Variants in SORBS2 observed in about 807,000 individuals in gnomAD.
SORBS2 encodes sorbin and SH3 domain containing 2, also known as sorbin and SH3 domain-containing protein 2.
In SORBS2, 46 loss-of-function variants were observed where a neutral mutation model predicts 97.7. That is an observed-to-expected ratio of 0.47 (90% CI 0.37 to 0.60). SORBS2 has a LOEUF of 0.60. Among genes scored for constraint, SORBS2 ranks in the 20% least tolerant of loss-of-function variants. SORBS2 has a pLI of 0.00. For synonymous variants in SORBS2, 476 were observed against 473.4 expected (o/e 1.01, Z -0.07); for missense variants, 1,316 against 1,282.3 (o/e 1.03, Z -0.40).
At chr4:185,591,167 G>C (rs180794844) in intron 13 of SORBS2, among the ~76,000 whole-genome samples, 4 of 152,150 alleles carry the variant, frequency 2.6e-5, no homozygotes, top group African/African-American at 9.7e-5. Flanking sequence ...CATTTGGACT[G>C]GGGGAGCTGG....
At chr4:185,608,473 A>G (rs1050071640) in intron 12 of SORBS2, among the ~76,000 whole-genome samples, 1 of 151,142 alleles carries the variant, frequency 6.6e-6, no homozygotes, top group African/African-American at 2.4e-5. Context: ...AAATCAGAGG[A>G]GGTATGAGTT....
intron 2 of SORBS2, among the ~76,000 whole-genome samples, chr4:185,738,087 A>T (rs1037766435): frequency 9.2e-5 from 14 of 152,188 alleles, no homozygotes; most frequent in African/African-American, 3.1e-4. Context: ...CTTCCTCAAC[A>T]TCTGCCTCCA....
chr4:185,797,389 A>G (rs1304559434), intron 1 of SORBS2, among the ~76,000 whole-genome samples: 3 of 152,316 alleles, frequency 2.0e-5, no homozygotes, highest in Middle Eastern at 3.4e-3. Context: ...TACCAGTTAT[A>G]TATTTTTCAC....
intron 4 of SORBS2, among the ~76,000 whole-genome samples, chr4:185,671,321 G>A (rs993526395): frequency 1.3e-5 from 2 of 152,128 alleles, no homozygotes; most frequent in Admixed American, 6.5e-5. Flanking sequence ...TTTGCATCTG[G>A]GAAAGTGTCA....
chr4:185,920,276 C>T (rs1016964621), intron 1 of SORBS2, among the ~76,000 whole-genome samples: 2 of 152,062 alleles, frequency 1.3e-5, no homozygotes, highest in Non-Finnish European at 2.9e-5. Flanking sequence ...TTTTGTGTGC[C>T]GGATGACTCA....
intron 2 of SORBS2, among the ~76,000 whole-genome samples, chr4:185,709,304 CTTTTT>C (rs70962587): frequency 2.1e-5 from 2 of 96,802 alleles, no homozygotes; most frequent in African/African-American, 4.1e-5. Context: ...CTGGCCAAAT[CTTTTT>C]TTTTTTTTTT....
chr4:185,591,892 C>G (rs1191168076), intron 13 of SORBS2: 1 of 152,194 alleles, frequency 6.6e-6, no homozygotes, highest in Non-Finnish European at 1.5e-5. Flanking sequence ...ATTTACCATT[C>G]TGGTTTAATT....
chr4:185,850,452 G>A (rs942159079), intron 1 of SORBS2, among the ~76,000 whole-genome samples: 1 of 152,182 alleles, frequency 6.6e-6, no homozygotes, highest in Non-Finnish European at 1.5e-5. Context: ...GCAAATGACA[G>A]CATGTAGCTC....
chr4:185,646,834 A>G, intron 3 of SORBS2, 52 bp from the exon 13 acceptor site: 3 of 1,037,208 alleles, frequency 2.9e-6, no homozygotes, highest in African/African-American at 1.6e-5. Context: ...TGCTTAAAGC[A>G]ATTGTGTAAA....
intron 2 of SORBS2, among the ~76,000 whole-genome samples, chr4:185,762,452 C>T (rs993568063): frequency 6.7e-6 from 1 of 150,342 alleles, no homozygotes; most frequent in Admixed American, 6.6e-5. Context: ...GAGATTTAGA[C>T]GAGAGGGACA....
intron 1 of SORBS2, among the ~76,000 whole-genome samples, chr4:185,877,447 G>A (rs992317568): frequency 3.3e-5 from 5 of 152,092 alleles, no homozygotes; most frequent in Non-Finnish European, 5.9e-5. Flanking sequence ...GAGTACACAA[G>A]CAATCAGCAT....
intron 4 of SORBS2, among the ~76,000 whole-genome samples, chr4:185,663,141 G>A (rs186403394): frequency 2.6e-5 from 4 of 152,230 alleles, no homozygotes; most frequent in East Asian, 1.9e-4. Flanking sequence ...ATTACAGGGC[G>A]CACACAATGC....
intron 1 of SORBS2, among the ~76,000 whole-genome samples, chr4:185,807,257 TG>T (rs2099160850): frequency 6.6e-6 from 1 of 152,216 alleles, no homozygotes; most frequent in Non-Finnish European, 1.5e-5. Context: ...CAGGCCTTTT[TG>T]TTTTCTTTCT....
chr4:185,657,659 T>A, upstream of SORBS2: 2 of 1,449,610 alleles, frequency 1.4e-6, no homozygotes, highest in South Asian at 2.5e-5. Context: ...AATTCATGTG[T>A]CTTGTTGTAT....
intron 2 of SORBS2, among the ~76,000 whole-genome samples, chr4:185,739,551 G>A (rs2098709518): frequency 6.6e-6 from 1 of 152,188 alleles, no homozygotes; most frequent in Non-Finnish European, 1.5e-5. Context: ...GAAAGTCTAT[G>A]TGTTTGTTGG....
intron 1 of SORBS2, among the ~76,000 whole-genome samples, chr4:185,944,363 C>T (rs1181234930): frequency 2.0e-5 from 3 of 152,166 alleles, no homozygotes; most frequent in Non-Finnish European, 4.4e-5. Flanking sequence ...AGCCACATCA[C>T]TTAAATACTT....
intron 2 of SORBS2, among the ~76,000 whole-genome samples, chr4:185,711,116 T>C (rs13131304): frequency 0.015 from 2,268 of 150,928 alleles, 24 homozygotes; most frequent in Middle Eastern, 0.027. Flanking sequence ...AGTACAGATA[T>C]ACACCATCAC....
chr4:185,789,908 AC>A (rs2099072910), intron 1 of SORBS2, among the ~76,000 whole-genome samples: 2 of 152,138 alleles, frequency 1.3e-5, no homozygotes, highest in Non-Finnish European at 2.9e-5. Context: ...GTTTCTTCCT[AC>A]CTATATAAAT....
intron 1 of SORBS2, among the ~76,000 whole-genome samples, chr4:185,851,963 C>T (rs945089726): frequency 6.6e-6 from 1 of 152,118 alleles, no homozygotes; most frequent in African/African-American, 2.4e-5. Flanking sequence ...CTACAGAACC[C>T]TGACTAATAT....
Sources: gnomAD v4.1 joint callset for allele counts (sites outside exome capture counted in the v4.1 genomes callset) on GRCh38, gnomAD v4.1.1 for gene constraint, MANE v1.5 for transcripts, NCBI Gene and HGNC (gene_info 2026-07-23, HGNC 2026-07-21) for gene names.